PPIL6: variants seen among roughly 807,000 people sequenced by gnomAD.
PPIL6 encodes probable inactive peptidyl-prolyl cis-trans isomerase-like 6.
A neutral mutation model predicts 36.8 loss-of-function variants in PPIL6; 39 were observed. That is an observed-to-expected ratio of 1.06 (90% CI 0.82 to 1.38). The LOEUF (loss-of-function observed/expected upper bound fraction) is 1.38, where lower values mean the gene tolerates loss of function less well. Among genes scored for constraint, PPIL6 ranks in the 40% most tolerant of loss-of-function variants. The pLI is 0.00. For missense variants in PPIL6, 368 were observed against 379.1 expected (o/e 0.97, Z 0.24); for synonymous variants, 123 against 134.1 (o/e 0.92, Z 0.57).
intron 5 of PPIL6, among the ~76,000 whole-genome samples, chr6:109,424,636 A>C (rs1265930555): frequency 6.6e-6 from 1 of 152,214 alleles, no homozygotes; most frequent in Non-Finnish European, 1.5e-5. Context: ...GAGTCACAGG[A>C]TTAGACAGGA....
chr6:109,439,290 G>C (rs1455839042), intron 1 of PPIL6, among the ~76,000 whole-genome samples: 1 of 152,184 alleles, frequency 6.6e-6, no homozygotes, highest in Non-Finnish European at 1.5e-5. Flanking sequence ...AAGCAACACA[G>C]ACCACAATTT....
At chr6:109,420,225 C>A (rs574441470) in intron 5 of PPIL6, among the ~76,000 whole-genome samples, 18 of 145,538 alleles carry the variant, frequency 1.2e-4, no homozygotes, top group African/African-American at 4.6e-4. Flanking sequence ...CCCAGCTACT[C>A]GGGAGGCTGA....
At chr6:109,405,553 T>TA (rs1330809533) in intron 6 of PPIL6, among the ~76,000 whole-genome samples, 7 of 152,226 alleles carry the variant, frequency 4.6e-5, no homozygotes, top group Non-Finnish European at 1.0e-4. Context: ...TCTGCTATAA[T>TA]ACTTGTTTTG....
intron 6 of PPIL6, chr6:109,403,146 T>A (rs1177187511): frequency 1.4e-6 from 2 of 1,391,294 alleles, no homozygotes; most frequent in Non-Finnish European, 1.9e-6. Context: ...TTAAATTAAA[T>A]TAAATTTTTT....
At chr6:109,435,820 G>A (rs929294755) in intron 2 of PPIL6, among the ~76,000 whole-genome samples, 5 of 151,996 alleles carry the variant, frequency 3.3e-5, no homozygotes, top group African/African-American at 9.7e-5. Context: ...AGCTACTTGC[G>A]GGGCTGAGGT....
intron 6 of PPIL6, among the ~76,000 whole-genome samples, chr6:109,412,985 CTG>C (rs1381635110): frequency 6.6e-6 from 1 of 152,058 alleles, no homozygotes; most frequent in African/African-American, 2.4e-5. Context: ...TGGTGAAACC[CTG>C]TCTCTACTAA....
intron 6 of PPIL6, among the ~76,000 whole-genome samples, chr6:109,402,083 T>G (rs1772573896): frequency 6.6e-6 from 1 of 152,214 alleles, no homozygotes; most frequent in Non-Finnish European, 1.5e-5. Context: ...TCTGATTTAT[T>G]TTTCTTAAAT....
chr6:109,422,459 G>A (rs1440989429), intron 5 of PPIL6, among the ~76,000 whole-genome samples: 1 of 152,124 alleles, frequency 6.6e-6, no homozygotes, highest in African/African-American at 2.4e-5. Flanking sequence ...GCCAGGCATG[G>A]TAATGTGTGC....
chr6:109,396,028 G>A (rs1359616303), intron 7 of PPIL6, among the ~76,000 whole-genome samples: 1 of 151,968 alleles, frequency 6.6e-6, no homozygotes, highest in African/African-American at 2.4e-5. Flanking sequence ...GTAGAGATGA[G>A]GTTTCACCGT....
chr6:109,412,736 C>A (rs1037020273), intron 6 of PPIL6, among the ~76,000 whole-genome samples: 1 of 152,136 alleles, frequency 6.6e-6, no homozygotes, highest in Non-Finnish European at 1.5e-5. Context: ...AAAATAAAAT[C>A]AAAATGGATT....
At chr6:109,395,275 T>A (rs1562253374) in intron 7 of PPIL6, among the ~76,000 whole-genome samples, 1 of 151,840 alleles carries the variant, frequency 6.6e-6, no homozygotes, top group Admixed American at 6.6e-5. Flanking sequence ...GGCATGGTGG[T>A]GCATGCCTAT....
At chr6:109,424,097 G>A (rs1388814370) in intron 5 of PPIL6, among the ~76,000 whole-genome samples, 2 of 152,202 alleles carry the variant, frequency 1.3e-5, no homozygotes, top group East Asian at 3.9e-4. Context: ...GTAAGGAGTA[G>A]GAGGGTGGCA....
At position 109,391,525 on chromosome 6, in the gene PPIL6, A is replaced by C. The variant is rs1223231041; in HGVS notation, c.*1301T>G. The stretch of plus-strand genomic sequence containing the variant: ...ACCCTGGGGAAAGAGCTAAATGAAC[A>C]CAGAATCTGTGCCCCACGCCTGGGA... On this transcript the variant is annotated 3_prime_UTR_variant, in exon 8 of 8. Transcript: ENST00000521072. 2 of 151,948 alleles carry C rather than the reference A, an allele frequency of 1.3e-5. No homozygotes were observed. The highest frequency in any genetic ancestry group is 4.8e-5 in the African/African-American group (2 of 41,322). The allele number at this position is 151,948 out of a possible 1,614,324, so 9.4% of individuals were successfully genotyped here. A position where few individuals can be genotyped will look rare whatever the true frequency, so the allele number is the denominator to read the frequency against.
At chr6:109,435,776 C>G (rs1473073490) in intron 2 of PPIL6, among the ~76,000 whole-genome samples, 2 of 152,082 alleles carry the variant, frequency 1.3e-5, no homozygotes, top group East Asian at 3.9e-4. Flanking sequence ...AATACAAAAA[C>G]TAGCTAGGTG....
chr6:109,401,817 G>C (rs1475189193), intron 6 of PPIL6, among the ~76,000 whole-genome samples: 1 of 140,172 alleles, frequency 7.1e-6, no homozygotes, highest in Non-Finnish European at 1.5e-5. Flanking sequence ...CTGCGCCTCG[G>C]GTTCATGCCA....
At chr6:109,402,642 A>G (rs1048067004) in intron 6 of PPIL6, among the ~76,000 whole-genome samples, 1 of 152,236 alleles carries the variant, frequency 6.6e-6, no homozygotes, top group African/African-American at 2.4e-5. Flanking sequence ...ATAAAGGGAC[A>G]GAATAAATTA....
At chr6:109,421,979 C>T (rs548355678) in intron 5 of PPIL6, among the ~76,000 whole-genome samples, 5 of 152,284 alleles carry the variant, frequency 3.3e-5, no homozygotes, top group Non-Finnish European at 5.9e-5. Flanking sequence ...CGGGTTCAAC[C>T]GATTCTCCTG....
At chr6:109,410,097 G>A (rs1772956207) in intron 6 of PPIL6, among the ~76,000 whole-genome samples, 1 of 152,224 alleles carries the variant, frequency 6.6e-6, no homozygotes, top group Non-Finnish European at 1.5e-5. Context: ...CACTGAGGCA[G>A]CCTCGCTGAG....
chr6:109,427,278 T>C (rs1773874363), intron 3 of PPIL6, 122 bp from the exon 4 acceptor site: 1 of 598,634 alleles, frequency 1.7e-6, no homozygotes, highest in Non-Finnish European at 3.0e-6. Flanking sequence ...ACATTACCAA[T>C]GGATAATATT....
Sources: allele counts gnomAD v4.1 joint callset (sites outside exome capture counted in the v4.1 genomes callset), GRCh38; gene constraint gnomAD v4.1.1; transcripts MANE v1.5; gene names NCBI Gene and HGNC (gene_info 2026-07-23, HGNC 2026-07-21).